Variants in GSDMC observed in about 807,000 individuals in gnomAD.
GSDMC encodes the protein gasdermin C.
A neutral mutation model predicts 58.0 loss-of-function variants in GSDMC; 59 were observed. The observed-to-expected ratio is 1.02, with a 90% CI of 0.82 to 1.26. GSDMC has a LOEUF of 1.26. GSDMC is among the 50% of genes most tolerant of loss of function. The pLI is 0.00. For synonymous variants in GSDMC, 241 were observed against 220.2 expected (o/e 1.09, Z -0.83); for missense variants, 659 against 598.5 (o/e 1.10, Z -1.06).
intron 6 of GSDMC, among the ~76,000 whole-genome samples, chr8:129,758,957 C>T (rs1042819567): frequency 1.3e-5 from 2 of 152,026 alleles, no homozygotes; most frequent in African/African-American, 2.4e-5. Flanking sequence ...TACCTGACTC[C>T]AAATTAAACT....
the GSDMC span, among the ~76,000 whole-genome samples, chr8:129,725,273 T>C: frequency 6.6e-6 from 1 of 152,208 alleles, no homozygotes; most frequent in Non-Finnish European, 1.5e-5. Context: ...AAAGCTGGTA[T>C]AGATTAAAGG....
intron 6 of GSDMC, among the ~76,000 whole-genome samples, chr8:129,758,639 T>C (rs1310209216): frequency 2.6e-5 from 4 of 152,082 alleles, no homozygotes; most frequent in East Asian, 3.8e-4. Context: ...ATAAAACATC[T>C]AGGAATTAAC....
At chr8:129,743,434 A>G (rs1289576286), downstream of GSDMC, among the ~76,000 whole-genome samples, 1 of 151,932 alleles carries the variant, frequency 6.6e-6, no homozygotes, top group Non-Finnish European at 1.5e-5. Flanking sequence ...GTTATTTTCA[A>G]TTTATTCTTT....
the GSDMC span, among the ~76,000 whole-genome samples, chr8:129,726,308 C>T: frequency 6.6e-6 from 1 of 152,154 alleles, no homozygotes; most frequent in African/African-American, 2.4e-5. Flanking sequence ...CAGTGTTAGG[C>T]CCTCAGTTGA....
rs1586618337 is a variant in GSDMC at position 129,777,598 on chromosome 8, G to A, written c.-4-7C>T. The A allele has an allele frequency of 2.2e-6, 3 of 1,385,554 alleles. No individual in the cohort carries two copies. Among genetic ancestry groups the A allele is most frequent in the Non-Finnish European group, 3.1e-6 (3 of 977,166 alleles). The allele number at this position is 1,385,554 out of a possible 1,614,324, so 85.8% of individuals were successfully genotyped here. On this transcript the variant is annotated splice_polypyrimidine_tract_variant and splice_region_variant and intron_variant, in intron 1 of 13. Transcript: ENST00000276708. ...CAACATGGAGGGCATGTTGCTAGGA[G>A]GAGATGAAAGGAGAGCATCAGTTGG...
rs1319388204 is a variant in GSDMC, at chr8:129,750,065, T to C, written c.1138A>G (p.Lys380Glu). ...GCATGGTTTGAATCCTGTTGAAGTT[T>C]CTTTAGGATGGCACCACCAGGGCCA... ...LDGPGGAILK[K>E]LQQDSNHAWF... Residue 380 changes from lysine (K) to glutamate (E), a missense_variant, in exon 12 of 14, where the codon AAA (lysine) becomes GAA (glutamate). By Grantham distance (56) the Lys-to-Glu change is moderately conservative (BLOSUM62 1). Coordinates refer to ENST00000276708, the MANE Select transcript of GSDMC (RefSeq NM_031415.3). 1 of 1,610,036 alleles carries C rather than the reference T, an allele frequency of 6.2e-7. No homozygotes were observed. The highest frequency in any genetic ancestry group is 1.3e-5 in the African/African-American group (1 of 74,744).
chr8:129,760,829 G>T (rs926191393), intron 5 of GSDMC, among the ~76,000 whole-genome samples: 6 of 152,170 alleles, frequency 3.9e-5, no homozygotes, highest in African/African-American at 9.7e-5. Flanking sequence ...AAGGAACTCA[G>T]CTCCCTTTGA....
At chr8:129,766,153 G>C (rs2033851921) in intron 3 of GSDMC, among the ~76,000 whole-genome samples, 1 of 152,190 alleles carries the variant, frequency 6.6e-6, no homozygotes, top group Non-Finnish European at 1.5e-5. Flanking sequence ...CAGTCTTTAG[G>C]AGGTCCTGTT....
chr8:129,761,674 C>A (rs2033666966), intron 5 of GSDMC, among the ~76,000 whole-genome samples: 1 of 152,112 alleles, frequency 6.6e-6, no homozygotes, highest in Non-Finnish European at 1.5e-5. Context: ...ATAGTGCCAC[C>A]ATCTCCTGTT....
the GSDMC span, among the ~76,000 whole-genome samples, chr8:129,731,047 T>A: frequency 6.6e-6 from 1 of 152,130 alleles, no homozygotes; most frequent in Non-Finnish European, 1.5e-5. Flanking sequence ...GTGGTAGAAA[T>A]ATGACAGTAA....
chr8:129,710,743 A>T, the GSDMC span, among the ~76,000 whole-genome samples: 1 of 152,188 alleles, frequency 6.6e-6, no homozygotes, highest in Non-Finnish European at 1.5e-5. Flanking sequence ...TCTGTTGCTT[A>T]TTACCTTTTA....
chr8:129,721,494 A>G, the GSDMC span, among the ~76,000 whole-genome samples: 1 of 152,186 alleles, frequency 6.6e-6, no homozygotes, highest in Non-Finnish European at 1.5e-5. Context: ...TAATTATTTT[A>G]CAACTTTTAG....
At chr8:129,746,225 A>T (rs1254672394), downstream of GSDMC, among the ~76,000 whole-genome samples, 1 of 152,224 alleles carries the variant, frequency 6.6e-6, no homozygotes, top group Non-Finnish European at 1.5e-5. Flanking sequence ...ATACTTTAAT[A>T]AGGTAAAAAC....
At chr8:129,718,143 C>A in the GSDMC span, among the ~76,000 whole-genome samples, 1 of 151,920 alleles carries the variant, frequency 6.6e-6, no homozygotes, top group Middle Eastern at 3.4e-3. Context: ...ACACAAAAAG[C>A]GATGGCAAAA....
At position 129,786,317 on chromosome 8, in the gene GSDMC, G is replaced by A. The variant is rs374676467; in HGVS notation, c.-311C>T. ...GCTGCACTCCAGCCTGGGCAACTCC[G>A]TCTCAAAAAAAAAAAAAAGAGAGAA... is the stretch of plus-strand genomic sequence containing the variant. On this transcript the variant is annotated 5_prime_UTR_variant, in exon 1 of 14. It adds an upstream start codon to the 5' untranslated region. Coordinates refer to ENST00000276708, the MANE Select transcript of GSDMC (RefSeq NM_031415.3). 21 of 148,788 alleles carry A rather than the reference G, an allele frequency of 1.4e-4. No homozygotes were observed. Among genetic ancestry groups the A allele is most frequent in the Non-Finnish European group, 2.4e-4 (16 of 67,600 alleles). The allele number at this position is 148,788 out of a possible 1,614,324, so 9.2% of individuals were successfully genotyped here.
chr8:129,711,927 C>T, the GSDMC span, among the ~76,000 whole-genome samples: 1 of 152,072 alleles, frequency 6.6e-6, no homozygotes, highest in Non-Finnish European at 1.5e-5. Context: ...AGTTATAGTG[C>T]CTGTTCTCTG....
At chr8:129,726,299 A>G in the GSDMC span, among the ~76,000 whole-genome samples, 1 of 152,212 alleles carries the variant, frequency 6.6e-6, no homozygotes, top group African/African-American at 2.4e-5. Context: ...AAAGGAGACC[A>G]GTGTTAGGCC....
At chr8:129,713,603 G>T in the GSDMC span, among the ~76,000 whole-genome samples, 1 of 152,166 alleles carries the variant, frequency 6.6e-6, no homozygotes, top group Admixed American at 6.5e-5. Context: ...TCCGGACAGA[G>T]ACAAGAACAA....
chr8:129,771,676 CAG>C (rs201378404), intron 3 of GSDMC, among the ~76,000 whole-genome samples: 3,070 of 150,440 alleles, frequency 0.02, 47 homozygotes, highest in Non-Finnish European at 0.029. Flanking sequence ...TTTAAGAAGA[CAG>C]AAATTATTTC....
Sources: allele counts gnomAD v4.1 joint callset (sites outside exome capture counted in the v4.1 genomes callset), GRCh38; gene constraint gnomAD v4.1.1; transcripts MANE v1.5; gene names NCBI Gene and HGNC (gene_info 2026-07-23, HGNC 2026-07-21).